The following RPN2 variants were observed in gnomAD, a reference collection of about 807,000 sequenced individuals.
The protein encoded by RPN2 is dolichyl-diphosphooligosaccharide--protein glycosyltransferase subunit 2.
In RPN2, 29 loss-of-function variants were observed where a neutral mutation model predicts 71.4. That is an observed-to-expected ratio of 0.41 (90% CI 0.30 to 0.55). RPN2 has a LOEUF of 0.55. Among genes scored for constraint, RPN2 ranks in the 20% least tolerant of loss-of-function variants. The pLI is 0.35. For missense variants in RPN2, 726 were observed against 774.1 expected (o/e 0.94, Z 0.74); for synonymous variants, 308 against 305.0 (o/e 1.01, Z -0.10).
At chr20:37,235,033 G>A (rs112046346) in intron 15 of RPN2, among the ~76,000 whole-genome samples, 8 of 152,220 alleles carry the variant, frequency 5.3e-5, no homozygotes, top group African/African-American at 1.7e-4. Flanking sequence ...CTATCTGTGC[G>A]CCCATAGTAA....
At chr20:37,237,802 C>T (rs2068439390) in intron 16 of RPN2, among the ~76,000 whole-genome samples, 1 of 152,184 alleles carries the variant, frequency 6.6e-6, no homozygotes, top group Admixed American at 6.5e-5. Context: ...TTTTGCAAAG[C>T]AGAACCCTGT....
intron 2 of RPN2, among the ~76,000 whole-genome samples, chr20:37,192,861 T>C (rs2067173845): frequency 6.6e-6 from 1 of 152,122 alleles, no homozygotes; most frequent in Non-Finnish European, 1.5e-5. Context: ...GTGTGTTGGC[T>C]CACACCTATA....
intron 12 of RPN2, among the ~76,000 whole-genome samples, chr20:37,229,095 G>GA (rs1242536924): frequency 3.3e-5 from 5 of 152,224 alleles, no homozygotes; most frequent in African/African-American, 1.2e-4. Context: ...TGGCCTTTGA[G>GA]ATATGGCATA....
At position 37,223,895 on chromosome 20, in the gene RPN2, C is replaced by T; in HGVS notation, c.1110C>T (p.Ser370=). The T allele has an allele frequency of 1.9e-6, 3 of 1,614,110 alleles. No individual in the cohort carries two copies. Among genetic ancestry groups the T allele is most frequent in the Non-Finnish European group, 2.5e-6 (3 of 1,179,970 alleles). ...TCCTCTAGCTCAGAGTCAAGATCTC[C>T]ACTGAAGTTGGCATCACAAATGTTG... ...ANTVELRVKI[S]TEVGITNVDL... The change falls in exon 10 of 17, where the codon TCC becomes TCT. Residue 370 remains serine, a synonymous_variant. Transcript: ENST00000237530.
intron 16 of RPN2, 81 bp from the exon 17 acceptor site, chr20:37,241,220 GTC>G (rs2068540897): frequency 2.0e-6 from 3 of 1,507,936 alleles, no homozygotes; most frequent in Non-Finnish European, 2.8e-6. Flanking sequence ...GAGTACCTTA[GTC>G]TCTCTGTTGT....
intron 2 of RPN2, among the ~76,000 whole-genome samples, chr20:37,195,540 T>C (rs1383660387): frequency 5.9e-5 from 9 of 152,226 alleles, no homozygotes; most frequent in Admixed American, 4.6e-4. Flanking sequence ...TTTTCTTACC[T>C]GTAAACTTAA....
chr20:37,225,897 A>G, intron 11 of RPN2, 95 bp downstream of exon 11: 1 of 879,574 alleles, frequency 1.1e-6, no homozygotes, highest in Non-Finnish European at 1.9e-6. Context: ...AGAGAATTCC[A>G]CGTTCCTGCT....
intron 10 of RPN2, among the ~76,000 whole-genome samples, chr20:37,224,670 C>T (rs1053527707): frequency 6.6e-6 from 1 of 152,186 alleles, no homozygotes; most frequent in Admixed American, 6.5e-5. Context: ...CATCAGCCCT[C>T]CCCCAGATCC....
rs1468703151 is a variant in RPN2, at chr20:37,229,959, C to T, written c.1495-14C>T. 12 of 1,603,866 alleles carry T rather than the reference C, an allele frequency of 7.5e-6. No homozygotes were observed. Among genetic ancestry groups the T allele is most frequent in the Non-Finnish European group, 1.0e-5 (12 of 1,170,762 alleles). ...CTGCCCCTGTGCTTTTACAGACTGT[C>T]CTTATTTTTCTAGGCTGATGTGGTC... On this transcript the variant is annotated splice_polypyrimidine_tract_variant and intron_variant, in intron 12 of 16. Transcript: ENST00000237530.
chr20:37,221,195 C>CTTT (rs1176292055), intron 9 of RPN2, among the ~76,000 whole-genome samples: 3 of 135,246 alleles, frequency 2.2e-5, no homozygotes, highest in Admixed American at 7.4e-5. Context: ...TTACACAATT[C>CTTT]TTTTTTTTTT....
intron 12 of RPN2, 116 bp downstream of exon 12, chr20:37,228,860 T>C (rs1184797299): frequency 4.2e-6 from 4 of 958,634 alleles, no homozygotes; most frequent in Non-Finnish European, 3.3e-6. Context: ...CTCCTATAAA[T>C]AAGCTTGGGA....
Position 37,229,980 on chromosome 20 carries a change from T to G in RPN2, c.1502T>G (p.Val501Gly). The change falls in exon 13 of 17, where the codon GTG becomes GGG. Residue 501 changes from valine (V) to glycine (G), a missense_variant. Transcript: ENST00000237530. ...CTGTCCTTATTTTTCTAGGCTGATG[T>G]GGTCATCAAGTTCCCTGAGGAAGAA... ...KNPILWNVAD[V>G]VIKFPEEEAP... 1 of 1,613,754 alleles carries G rather than the reference T, an allele frequency of 6.2e-7. No individual in the cohort carries two copies.
chr20:37,207,139 G>A (rs1336180310), intron 6 of RPN2, 134 bp from the exon 7 acceptor site: 7 of 721,842 alleles, frequency 9.7e-6, no homozygotes, highest in Admixed American at 4.1e-5. Context: ...CTCCATCTAC[G>A]AATTTGGATC....
rs141891656 is a variant in RPN2, at chr20:37,240,382, G to A, written c.1884-921G>A. Among the ~76,000 whole-genome samples the A allele has an allele frequency of 3.3e-4, 50 of 152,332 alleles. 1 individual carries two copies. Among genetic ancestry groups the A allele is most frequent in the African/African-American group, 1.2e-3 (48 of 41,592 alleles). On this transcript the variant is annotated intron_variant, in intron 16 of 16. Coordinates refer to ENST00000237530, the MANE Select transcript of RPN2 (RefSeq NM_002951.5). ...ACCTCTGAATACTGGCAAGGAATTAGGGGTGCACACCCCAGCCCTCAAGAT... is the reference window on the plus strand; with the variant it reads ...ACCTCTGAATACTGGCAAGGAATTAAGGGTGCACACCCCAGCCCTCAAGAT...
chr20:37,227,928 C>T (rs1236738662), intron 11 of RPN2, among the ~76,000 whole-genome samples: 1 of 152,162 alleles, frequency 6.6e-6, no homozygotes, highest in African/African-American at 2.4e-5. Flanking sequence ...ACAGATATGC[C>T]ACATCTGGAA....
chr20:37,191,217 C>T (rs1254608948), intron 2 of RPN2, among the ~76,000 whole-genome samples: 1 of 152,182 alleles, frequency 6.6e-6, no homozygotes, highest in Non-Finnish European at 1.5e-5. Flanking sequence ...TGTCTCAGGC[C>T]TGTAATCTCA....
At chr20:37,191,381 C>G (rs1279287334) in intron 2 of RPN2, among the ~76,000 whole-genome samples, 3 of 151,120 alleles carry the variant, frequency 2.0e-5, no homozygotes, top group Non-Finnish European at 4.4e-5. Context: ...GAGGCCGAGG[C>G]AGGAGAATTG....
At chr20:37,202,678 T>TGG (rs1460582539) in intron 4 of RPN2, among the ~76,000 whole-genome samples, 1 of 152,194 alleles carries the variant, frequency 6.6e-6, no homozygotes, top group African/African-American at 2.4e-5. Flanking sequence ...AAAAAGCTTA[T>TGG]CTTCCAGAAT....
At chr20:37,230,416 G>T (rs776059656) in intron 13 of RPN2, among the ~76,000 whole-genome samples, 16 of 152,192 alleles carry the variant, frequency 1.1e-4, no homozygotes, top group Non-Finnish European at 1.9e-4. Context: ...GGGGCGACAG[G>T]TGGGAAAACT....
Sources: allele counts gnomAD v4.1 joint callset (sites outside exome capture counted in the v4.1 genomes callset), GRCh38; gene constraint gnomAD v4.1.1; transcripts MANE v1.5; gene names NCBI Gene and HGNC (gene_info 2026-07-23, HGNC 2026-07-21).